The following DGKH variants were observed in gnomAD, a reference collection of about 807,000 sequenced individuals.
DGKH encodes the protein diacylglycerol kinase eta.
In DGKH, 90 loss-of-function variants were observed where a neutral mutation model predicts 159.3. The ratio of observed to expected loss-of-function variants is 0.57; its 90% CI spans 0.48 to 0.67. The LOEUF is 0.67. Among genes scored for constraint, DGKH ranks in the 30% least tolerant of loss-of-function variants. The pLI is 0.00. For synonymous variants in DGKH, 536 were observed against 553.8 expected (o/e 0.97, Z 0.45); for missense variants, 1,181 against 1,506.1 (o/e 0.78, Z 3.57).
intron 1 of DGKH, among the ~76,000 whole-genome samples, chr13:42,059,835 A>G (rs1304435747): frequency 6.6e-6 from 1 of 151,438 alleles, no homozygotes; most frequent in Non-Finnish European, 1.5e-5. Context: ...GCCAATTTGG[A>G]TGCTATTGAC....
At chr13:42,194,785 G>A in intron 16 of DGKH, 100 bp from the exon 17 acceptor site, 1 of 1,330,812 alleles carries the variant, frequency 7.5e-7, no homozygotes, top group Non-Finnish European at 1.0e-6. Context: ...CATTTCTACT[G>A]ATTGATTTAA....
At chr13:42,218,416 T>A (rs1373199725) in intron 26 of DGKH, among the ~76,000 whole-genome samples, 1 of 152,120 alleles carries the variant, frequency 6.6e-6, no homozygotes, top group African/African-American at 2.4e-5. Context: ...GCCTATTCTT[T>A]AAATTTTCAA....
chr13:42,202,725 A>T (rs1347251763), intron 20 of DGKH, among the ~76,000 whole-genome samples: 1 of 152,238 alleles, frequency 6.6e-6, no homozygotes, highest in Admixed American at 6.5e-5. Flanking sequence ...TTTTACAATG[A>T]TGGGAATTCC....
rs897398891 is a variant in DGKH, at chr13:42,090,777, G to T, written c.193-36686G>T. Among the ~76,000 whole-genome samples the T allele has an allele frequency of 4.6e-5, 7 of 152,304 alleles. No homozygotes were observed. In the East Asian group the frequency reaches 1.4e-3, roughly 29 times the overall value. Reference sequence around the variant, plus strand: ...AATTCACATTGAAACTAAATTGCCAGTGTGAAGGTATTAAGAGGTAGGGCT... The same window carrying T: ...AATTCACATTGAAACTAAATTGCCATTGTGAAGGTATTAAGAGGTAGGGCT... On this transcript the variant is annotated intron_variant, in intron 1 of 29. Transcript: ENST00000337343.
chr13:42,071,718 C>A (rs1324096395), intron 1 of DGKH, among the ~76,000 whole-genome samples: 1 of 152,234 alleles, frequency 6.6e-6, no homozygotes, highest in Non-Finnish European at 1.5e-5. Flanking sequence ...CCATCTTACT[C>A]TGATACAACG....
chr13:42,189,006 A>G, intron 14 of DGKH, 30 bp from the exon 15 acceptor site: 1 of 1,592,394 alleles, frequency 6.3e-7, no homozygotes, highest in Non-Finnish European at 8.6e-7. Context: ...CTTTTTGAGT[A>G]TTTTTCTCAT....
At chr13:42,040,894 G>A (rs1426703617) in intron 1 of DGKH, among the ~76,000 whole-genome samples, 1 of 148,238 alleles carries the variant, frequency 6.7e-6, no homozygotes, top group Non-Finnish European at 1.5e-5. Context: ...TGGAGCCTCA[G>A]CACGTGCGCC....
At chr13:42,085,822 C>T (rs1954290245) in intron 1 of DGKH, among the ~76,000 whole-genome samples, 1 of 152,092 alleles carries the variant, frequency 6.6e-6, no homozygotes, top group Non-Finnish European at 1.5e-5. Context: ...GATCTCTTTC[C>T]TCTATGAATT....
chr13:42,077,849 G>T (rs1954128988), intron 1 of DGKH, among the ~76,000 whole-genome samples: 1 of 152,204 alleles, frequency 6.6e-6, no homozygotes, highest in South Asian at 2.1e-4. Flanking sequence ...GTAGTTTGGG[G>T]TTATTTCATC....
At chr13:42,069,749 T>A in intron 1 of DGKH, 1 of 1,124,204 alleles carries the variant, frequency 8.9e-7, no homozygotes, top group Non-Finnish European at 1.3e-6. Context: ...GATCATGACC[T>A]CGTTTTGTAA....
Position 42,189,256 on chromosome 13 carries a change from G to C in DGKH, c.1859G>C (p.Arg620Pro). 1.2e-6 allele frequency: 2 copies of C among 1,614,180 alleles called. No individual in the cohort carries two copies. The highest frequency in any genetic ancestry group is 1.7e-6 in the Non-Finnish European group (2 of 1,180,034). Reference protein sequence around the residue: ...KAVKPREIMLRANSLKKAVRQ... With the variant: ...KAVKPREIMLPANSLKKAVRQ... ...GTCAAACCAAGGGAAATCATGTTGC[G>C]GGCAAATAGTTTAAAGAAAGCAGTG... Residue 620 changes from arginine to proline, a missense_variant, in exon 15 of 30, where the codon CGG (arginine) becomes CCG (proline). By Grantham distance (103) the Arg-to-Pro change is moderately radical. This residue lies in a region of DGKH where 257 missense variants were observed against 281.5 expected (regional missense o/e 0.91). Transcript: ENST00000337343.
chr13:42,228,829 AT>A (rs901111055), intron 29 of DGKH, among the ~76,000 whole-genome samples: 7 of 151,114 alleles, frequency 4.6e-5, no homozygotes, highest in Non-Finnish European at 8.9e-5. Flanking sequence ...GTAGAATGTG[AT>A]TTTTTTTTGT....
intron 1 of DGKH, among the ~76,000 whole-genome samples, chr13:42,081,233 A>ATT (rs113809956): frequency 0.067 from 9,939 of 147,522 alleles, 636 homozygotes; most frequent in African/African-American, 0.17. Context: ...TTTCTCTCCT[A>ATT]TTTTTTTTTT....
intron 28 of DGKH, among the ~76,000 whole-genome samples, chr13:42,220,296 G>A (rs775686530): frequency 6.6e-6 from 1 of 152,044 alleles, no homozygotes; most frequent in Admixed American, 6.5e-5. Context: ...CTGTTTTGAG[G>A]ACACTGTTTC....
At chr13:42,117,266 A>T (rs1954983852) in intron 1 of DGKH, among the ~76,000 whole-genome samples, 1 of 152,256 alleles carries the variant, frequency 6.6e-6, no homozygotes, top group Non-Finnish European at 1.5e-5. Context: ...CGAATATAAT[A>T]GCATGATTTT....
At chr13:42,089,004 A>G (rs1411583625) in intron 1 of DGKH, among the ~76,000 whole-genome samples, 1 of 152,220 alleles carries the variant, frequency 6.6e-6, no homozygotes, top group Non-Finnish European at 1.5e-5. Flanking sequence ...CAGAACAAGA[A>G]CCATTACTAG....
rs75232470 is a variant in DGKH, at chr13:42,144,731, C to G, written c.385-10560C>G. On this transcript the variant is annotated intron_variant, in intron 3 of 29. Transcript: ENST00000337343. ...AAAGAAAGGGGTTCCATGTCCATCA[C>G]ACGTGGTCTTATTGACAACTCCAGA... is the stretch of plus-strand genomic sequence containing the variant. 1.8e-3 allele frequency among the ~76,000 whole-genome samples: 278 copies of G among 151,648 alleles called. 4 individuals are homozygous for G. The East Asian group carries it at 0.043, about 24-fold the overall frequency.
At chr13:42,135,536 A>G (rs1197415642) in intron 3 of DGKH, among the ~76,000 whole-genome samples, 2 of 151,122 alleles carry the variant, frequency 1.3e-5, no homozygotes, top group African/African-American at 4.8e-5. Flanking sequence ...AAAAAAAATA[A>G]TAATTTATTT....
Position 42,052,813 on chromosome 13 carries a change from A to G in DGKH, c.192+3848A>G, listed in dbSNP as rs555184426. On this transcript the variant is annotated intron_variant, in intron 1 of 29. Transcript: ENST00000337343. Reference sequence around the variant, plus strand: ...GTTCAACAATCATAAACCAAACAGTATAAACAAATGGGAACCATCTCAATG... The same window carrying G: ...GTTCAACAATCATAAACCAAACAGTGTAAACAAATGGGAACCATCTCAATG... Among the ~76,000 whole-genome samples the G allele has an allele frequency of 5.3e-5, 8 of 152,354 alleles. No homozygotes were observed. The South Asian group carries it at 1.2e-3, about 24-fold the overall frequency.
Sources: allele counts gnomAD v4.1 joint callset (sites outside exome capture counted in the v4.1 genomes callset), GRCh38; gene constraint gnomAD v4.1.1; regional missense constraint gnomAD v4.1.1; transcripts MANE v1.5; gene names NCBI Gene and HGNC (gene_info 2026-07-23, HGNC 2026-07-21).